The following PRKAG2 variants were observed in gnomAD, a reference collection of about 807,000 sequenced individuals.
The protein encoded by PRKAG2 is protein kinase AMP-activated non-catalytic subunit gamma 2.
Under a neutral mutation model 69.6 loss-of-function variants are expected in PRKAG2, and 26 were observed. The ratio of observed to expected loss-of-function variants is 0.37; its 90% CI spans 0.27 to 0.52. The LOEUF (loss-of-function observed/expected upper bound fraction) is 0.52. Ranked by LOEUF, PRKAG2 falls within the 20% of genes least tolerant of loss-of-function variation. The pLI, the probability that PRKAG2 is intolerant of heterozygous loss-of-function variation, is 0.90. For synonymous variants in PRKAG2, 293 were observed against 285.0 expected, an observed-to-expected ratio of 1.03 and a Z score of -0.28; for missense variants, 557 against 740.0, an observed-to-expected ratio of 0.75 and a Z score of 2.87.
chr7:151,833,551 G>A (rs2079084882), intron 1 of PRKAG2, among the ~76,000 whole-genome samples: 1 of 152,186 alleles, frequency 6.6e-6, no homozygotes, highest in Non-Finnish European at 1.5e-5. Flanking sequence ...AGCCAGAGCG[G>A]GGCGGCAGGA....
At chr7:151,872,097 A>C (rs1047936284) in intron 1 of PRKAG2, among the ~76,000 whole-genome samples, 54 of 152,286 alleles carry the variant, frequency 3.5e-4, no homozygotes, top group African/African-American at 1.3e-3. Context: ...CCCTCTGCTG[A>C]GACACACCCG....
In PRKAG2 at chr7:151,756,255, C is replaced by T. The variant is rs1055265464; in HGVS notation, c.466+24897G>A. Among the ~76,000 whole-genome samples, 1 of 152,182 alleles carries T rather than the reference C, an allele frequency of 6.6e-6. No individual in the cohort carries two copies. Among genetic ancestry groups the T allele is most frequent in the Admixed American group, 6.5e-5 (1 of 15,290 alleles). On this transcript the variant is annotated intron_variant, in intron 3 of 15. Transcript: ENST00000287878. This position sits in a 1 kb window ranked among gnomAD's most constrained non-coding sequence, Gnocchi z 4.9. ...GTGAGCAATGCCCCAGGAACACACA[C>T]CACACACGTGACTGCAACGAAGGAA...
chr7:151,837,634 G>C (rs2079176453), intron 1 of PRKAG2: 1 of 152,286 alleles, frequency 6.6e-6, no homozygotes, highest in Non-Finnish European at 1.5e-5. Context: ...AGGGAGCAGG[G>C]GAGAGGCTTA....
chr7:151,653,336 T>C (rs73481918), intron 4 of PRKAG2, among the ~76,000 whole-genome samples: 2,285 of 152,352 alleles, frequency 0.015, 54 homozygotes, highest in African/African-American at 0.052. Flanking sequence ...ATTCTAGTGC[T>C]GATTAATATA....
At chr7:151,631,868 G>C in intron 5 of PRKAG2, 1 of 510,618 alleles carries the variant, frequency 2.0e-6, no homozygotes, top group South Asian at 1.7e-5. Flanking sequence ...CGTCCCCTCC[G>C]CGGACGCCCG....
chr7:151,855,001 T>C (rs1312902858), intron 1 of PRKAG2, among the ~76,000 whole-genome samples: 16 of 17,274 alleles, frequency 9.3e-4, no homozygotes, highest in East Asian at 3.2e-3. Context: ...CACACCATGC[T>C]CCACACACAC....
intron 1 of PRKAG2, among the ~76,000 whole-genome samples, chr7:151,811,366 G>A (rs190162530): frequency 2.0e-4 from 30 of 152,326 alleles, no homozygotes; most frequent in African/African-American, 6.0e-4. Flanking sequence ...TAATTTGCCC[G>A]TGGTAGCCAG....
chr7:151,667,484 T>C lies in PRKAG2; in HGVS notation c.684+7936A>G, dbSNP rs982212151. On this transcript the variant is annotated intron_variant, in intron 4 of 15. Transcript: ENST00000287878. ...ATAAGGTAGATTGTCTTGGTAGAGA[T>C]AGAGGTGTGCCTAATCCTCCACTTC... is the stretch of plus-strand genomic sequence containing the variant. Among the ~76,000 whole-genome samples the C allele has an allele frequency of 3.9e-5, 6 of 152,300 alleles. No homozygotes were observed. In the East Asian group the frequency reaches 9.6e-4, roughly 24 times the overall value.
chr7:151,705,954 T>C (rs1403807005), intron 3 of PRKAG2, among the ~76,000 whole-genome samples: 1 of 149,396 alleles, frequency 6.7e-6, no homozygotes, highest in Non-Finnish European at 1.5e-5. Flanking sequence ...AAGTTCACTG[T>C]TGTTGAGGGT....
chr7:151,822,052 G>A (rs1301634423), intron 1 of PRKAG2, among the ~76,000 whole-genome samples: 1 of 152,220 alleles, frequency 6.6e-6, no homozygotes, highest in Non-Finnish European at 1.5e-5. Flanking sequence ...AGGTGTCAGA[G>A]AAGCCCATTT....
At chr7:151,794,616 C>G (rs1192432754) in intron 1 of PRKAG2, among the ~76,000 whole-genome samples, 1 of 152,252 alleles carries the variant, frequency 6.6e-6, no homozygotes, top group East Asian at 1.9e-4. Context: ...TCATGCGGCT[C>G]CCGCGGAAGC....
At chr7:151,790,071 T>C (rs1331619991) in intron 1 of PRKAG2, among the ~76,000 whole-genome samples, 2 of 152,118 alleles carry the variant, frequency 1.3e-5, no homozygotes, top group African/African-American at 4.8e-5. Context: ...CCACCCCTCC[T>C]GTGAACTGCT....
In PRKAG2 at chr7:151,614,523, A is replaced by C. The variant is rs1031750662; in HGVS notation, c.754+17546T>G. ...ACGTCTCTGAGACCCTGCTCCCTCC[A>C]TCGTGACTCTCCGTCCCATCCCTGC... On this transcript the variant is annotated intron_variant, in intron 5 of 15. Coordinates refer to ENST00000287878, the MANE Select transcript of PRKAG2 (RefSeq NM_016203.4). The surrounding 1 kb of genome is among the most constrained non-coding windows in gnomAD (Gnocchi z 4.4). Among the ~76,000 whole-genome samples the C allele has an allele frequency of 3.3e-5, 5 of 152,086 alleles. No individual in the cohort carries two copies. Among genetic ancestry groups the C allele is most frequent in the African/African-American group, 1.2e-4 (5 of 41,414 alleles).
At chr7:151,610,736 TTTC>T (rs1272229344) in intron 5 of PRKAG2, among the ~76,000 whole-genome samples, 8 of 88,658 alleles carry the variant, frequency 9.0e-5, no homozygotes, top group African/African-American at 1.2e-4. Flanking sequence ...TATTTTTTCT[TTTC>T]TTTTTTTTTT....
intron 3 of PRKAG2, among the ~76,000 whole-genome samples, chr7:151,718,221 CT>C (rs1796472288): frequency 6.6e-6 from 1 of 152,082 alleles, no homozygotes; most frequent in Non-Finnish European, 1.5e-5. Context: ...CTGTTGGTTT[CT>C]GGTGAGGACC....
intron 1 of PRKAG2, among the ~76,000 whole-genome samples, chr7:151,799,424 T>C (rs1237994486): frequency 6.6e-6 from 1 of 152,242 alleles, no homozygotes; most frequent in African/African-American, 2.4e-5. Flanking sequence ...CGGGCCTGGC[T>C]ATACTGGGCA....
At chr7:151,647,316 G>C (rs1827735676) in intron 4 of PRKAG2, among the ~76,000 whole-genome samples, 1 of 152,196 alleles carries the variant, frequency 6.6e-6, no homozygotes, top group Non-Finnish European at 1.5e-5. Flanking sequence ...ATTCTCTGCT[G>C]CTTTGCAGCC....
intron 3 of PRKAG2, among the ~76,000 whole-genome samples, chr7:151,768,796 G>A (rs2075873702): frequency 6.6e-6 from 1 of 152,190 alleles, no homozygotes; most frequent in Non-Finnish European, 1.5e-5. Context: ...AACAGACCAA[G>A]AAGGCTGCAG....
At chr7:151,812,403 C>A (rs923174609) in intron 1 of PRKAG2, among the ~76,000 whole-genome samples, 2 of 152,146 alleles carry the variant, frequency 1.3e-5, no homozygotes, top group African/African-American at 4.8e-5. Flanking sequence ...TTTGAAAGAG[C>A]GCTGTGAAGG....
Sources: gnomAD v4.1 joint callset for allele counts (sites outside exome capture counted in the v4.1 genomes callset) on GRCh38, gnomAD v4.1.1 for gene constraint, Gnocchi (gnomAD v3.1) non-coding constraint, MANE v1.5 for transcripts, NCBI Gene and HGNC (gene_info 2026-07-23, HGNC 2026-07-21) for gene names.